The following ADAMTS12 variants were observed in gnomAD, a reference collection of about 807,000 sequenced individuals.
ADAMTS12 encodes the protein A disintegrin and metalloproteinase with thrombospondin motifs 12.
Under a neutral mutation model 167.8 loss-of-function variants are expected in ADAMTS12, and 118 were observed. The observed-to-expected ratio is 0.70, with a 90% CI of 0.61 to 0.82. ADAMTS12 has a LOEUF of 0.82. Among genes scored for constraint, ADAMTS12 ranks in the 40% least tolerant of loss-of-function variants. The probability of loss-of-function intolerance (pLI) is 0.00; values close to 1 mark genes in which losing one functional copy is unlikely to be tolerated. For synonymous variants in ADAMTS12, 704 were observed against 716.9 expected, an observed-to-expected ratio of 0.98 and a Z score of 0.29; for missense variants, 1,916 against 1,998.8, an observed-to-expected ratio of 0.96 and a Z score of 0.79.
At chr5:33,681,916 T>C (rs1742134595) in intron 5 of ADAMTS12, among the ~76,000 whole-genome samples, 1 of 152,130 alleles carries the variant, frequency 6.6e-6, no homozygotes, top group Non-Finnish European at 1.5e-5. Flanking sequence ...AAATTTTGAA[T>C]TTGTTCTAAA....
In ADAMTS12 at chr5:33,751,548, T is replaced by C. The variant is rs746406413; in HGVS notation, c.490A>G (p.Thr164Ala). The C allele has an allele frequency of 6.2e-7, 1 of 1,613,740 alleles. No individual in the cohort carries two copies. ...TAALSACHGL[T>A]GFFQLPHGDF... Reference sequence around the variant, plus strand: ...CCATGTGGTAGTTGGAAAAATCCAGTCTGTAAATACATTCAGTAAGAAAGT... The same window carrying C: ...CCATGTGGTAGTTGGAAAAATCCAGCCTGTAAATACATTCAGTAAGAAAGT... Residue 164 changes from threonine to alanine, a missense_variant and splice_region_variant, in exon 3 of 24, where the codon ACT becomes GCT. Thr to Ala is a moderately conservative substitution (Grantham distance 58). Transcript: ENST00000504830.
chr5:33,525,591 T>C lies in ADAMTS12; in HGVS notation c.*1597A>G, dbSNP rs569008372. The C allele has an allele frequency of 3.9e-5, 6 of 152,360 alleles. No individual in the cohort carries two copies. The highest frequency in any genetic ancestry group is 1.4e-4 in the African/African-American group (6 of 41,582). 9.4% of individuals were successfully genotyped at this position (152,360 alleles called of 1,614,324 possible). A position where few individuals can be genotyped will look rare whatever the true frequency, so the allele number is the denominator to read the frequency against. ...ATTTGTATGCCTATCTATGTTTACATTAATTCTGCCACCATCTAGATATTA... is the reference window on the plus strand; with the variant it reads ...ATTTGTATGCCTATCTATGTTTACACTAATTCTGCCACCATCTAGATATTA... On this transcript the variant is annotated 3_prime_UTR_variant, in exon 24 of 24. Coordinates refer to ENST00000504830, the MANE Select transcript of ADAMTS12 (RefSeq NM_030955.4).
At chr5:33,564,337 T>C (rs994118917) in intron 19 of ADAMTS12, among the ~76,000 whole-genome samples, 3 of 152,234 alleles carry the variant, frequency 2.0e-5, no homozygotes, top group African/African-American at 7.2e-5. Flanking sequence ...TTAAAGCAAC[T>C]GAGCTGTTGA....
At chr5:33,787,657 T>TC (rs1195862745) in intron 2 of ADAMTS12, among the ~76,000 whole-genome samples, 1 of 152,150 alleles carries the variant, frequency 6.6e-6, no homozygotes, top group Non-Finnish European at 1.5e-5. Flanking sequence ...GGGCTACCTG[T>TC]CCATAGCAGG....
At chr5:33,749,409 C>A (rs1239258832) in intron 3 of ADAMTS12, among the ~76,000 whole-genome samples, 1 of 151,940 alleles carries the variant, frequency 6.6e-6, no homozygotes, top group Admixed American at 6.6e-5. Context: ...ACAACTATCT[C>A]TTTGGTGAAA....
rs200447658 is a variant in ADAMTS12 at position 33,751,282 on chromosome 5, A to AT, written c.634+121dup. 2,377 of 1,043,722 alleles carry AT rather than the reference A, an allele frequency of 2.3e-3. 38 individuals are homozygous for AT. The African/African-American group carries it at 0.051, about 22-fold the overall frequency. 64.7% of individuals were successfully genotyped at this position (1,043,722 alleles called of 1,614,324 possible). On this transcript the variant is annotated intron_variant, in intron 3 of 23. Coordinates refer to ENST00000504830, the MANE Select transcript of ADAMTS12 (RefSeq NM_030955.4). ...GAAGAGATTTGAATGTCATGAAGAT[A>AT]TTAAAAAAAAAAGAATACAGAGGAG...
At chr5:33,845,406 T>C (rs1302321214) in intron 2 of ADAMTS12, among the ~76,000 whole-genome samples, 1 of 152,212 alleles carries the variant, frequency 6.6e-6, no homozygotes, top group Non-Finnish European at 1.5e-5. Flanking sequence ...AGAAGCCAGA[T>C]TGAAGGGGCT....
At chr5:33,789,705 G>A (rs1746455233) in intron 2 of ADAMTS12, among the ~76,000 whole-genome samples, 1 of 152,208 alleles carries the variant, frequency 6.6e-6, no homozygotes, top group African/African-American at 2.4e-5. Flanking sequence ...GCACTTCAGA[G>A]CTGTGGCTGG....
intron 3 of ADAMTS12, among the ~76,000 whole-genome samples, chr5:33,746,804 T>A (rs1467203772): frequency 1.3e-5 from 2 of 152,228 alleles, no homozygotes; most frequent in Non-Finnish European, 2.9e-5. Flanking sequence ...CTTCATAATG[T>A]AGCAGGCCTG....
At chr5:33,645,639 T>C (rs573886564) in intron 9 of ADAMTS12, among the ~76,000 whole-genome samples, 5 of 152,314 alleles carry the variant, frequency 3.3e-5, no homozygotes, top group South Asian at 2.1e-4. Context: ...GAAAGGATGA[T>C]GTGCTAGGCG....
intron 2 of ADAMTS12, among the ~76,000 whole-genome samples, chr5:33,798,947 T>C (rs1175976987): frequency 6.6e-6 from 1 of 152,168 alleles, no homozygotes; most frequent in Non-Finnish European, 1.5e-5. Flanking sequence ...TCCCCTGCTT[T>C]CTTCCTGTGT....
chr5:33,593,657 A>G (rs894563141), intron 17 of ADAMTS12, among the ~76,000 whole-genome samples: 2 of 152,032 alleles, frequency 1.3e-5, no homozygotes, highest in African/African-American at 2.4e-5. Context: ...AGGGAGGGGA[A>G]CATCACACAC....
chr5:33,576,136 C>T lies in ADAMTS12; in HGVS notation c.3890G>A (p.Gly1297Asp). Reference protein sequence around the residue: ...EEDATSLITEGFLLNASNYKQ... With the variant: ...EEDATSLITEDFLLNASNYKQ... ...GTAATTGGAGGCATTTAGCAAAAAG[C>T]CCTCAGTAATCAGACTTGTTGCATC... The change falls in exon 19 of 24, where the codon GGC becomes GAC. Residue 1297 changes from glycine (G) to aspartate (D), a missense_variant. By Grantham distance (94) the Gly-to-Asp change is moderately conservative. Coordinates refer to ENST00000504830, the MANE Select transcript of ADAMTS12 (RefSeq NM_030955.4). 13 of 1,614,162 alleles carry T rather than the reference C, an allele frequency of 8.1e-6. No homozygotes were observed. Among genetic ancestry groups the T allele is most frequent in the Non-Finnish European group, 1.1e-5 (13 of 1,180,024 alleles).
rs1743839707 is a variant in ADAMTS12 at position 33,526,862 on chromosome 5, CTT to C, written c.*324_*325del. 1 of 219,128 alleles carries C rather than the reference CTT, an allele frequency of 4.6e-6. No individual in the cohort carries two copies. The highest frequency in any genetic ancestry group is 1.3e-4 in the South Asian group (1 of 7,438). 13.6% of individuals were successfully genotyped at this position (219,128 alleles called of 1,614,324 possible). On this transcript the variant is annotated 3_prime_UTR_variant, in exon 24 of 24. Transcript: ENST00000504830. ...AGGTAGTCAGGGAAATAGCTGGTCTCTTTGTTTTTATCTTTAAGGGAGAACAA... is the reference window on the plus strand; with the variant it reads ...AGGTAGTCAGGGAAATAGCTGGTCTCTGTTTTTATCTTTAAGGGAGAACAA...
intron 3 of ADAMTS12, among the ~76,000 whole-genome samples, chr5:33,685,870 C>T (rs1256097024): frequency 6.6e-6 from 1 of 152,100 alleles, no homozygotes. Context: ...CTCATTGCCC[C>T]ATCAGCTTTT....
At chr5:33,622,638 C>T (rs1362470866) in intron 14 of ADAMTS12, among the ~76,000 whole-genome samples, 3 of 152,014 alleles carry the variant, frequency 2.0e-5, no homozygotes, top group Non-Finnish European at 2.9e-5. Context: ...GGCGACAGGG[C>T]GAGACTCCGT....
At chr5:33,706,454 C>A (rs1046852770) in intron 3 of ADAMTS12, among the ~76,000 whole-genome samples, 2 of 152,004 alleles carry the variant, frequency 1.3e-5, no homozygotes, top group African/African-American at 4.8e-5. Context: ...AACATAATGC[C>A]CTTCTTCGTC....
At chr5:33,588,529 T>C in intron 18 of ADAMTS12, 70 bp downstream of exon 18, 1 of 1,571,344 alleles carries the variant, frequency 6.4e-7, no homozygotes, top group Admixed American at 1.7e-5. Context: ...TTGGATTGGA[T>C]AATGAGAAGG....
chr5:33,874,298 C>T (rs1046294306), intron 2 of ADAMTS12, among the ~76,000 whole-genome samples: 1 of 152,174 alleles, frequency 6.6e-6, no homozygotes, highest in Non-Finnish European at 1.5e-5. Context: ...AGAAGATATA[C>T]ATATGACAAG....
Sources: gnomAD v4.1 joint callset for allele counts (sites outside exome capture counted in the v4.1 genomes callset) on GRCh38, gnomAD v4.1.1 for gene constraint, MANE v1.5 for transcripts, NCBI Gene and HGNC (gene_info 2026-07-23, HGNC 2026-07-21) for gene names.